Variants in SNX24 observed in about 807,000 individuals in gnomAD.
The protein encoded by SNX24 is sorting nexin 24.
A neutral mutation model predicts 28.7 loss-of-function variants in SNX24; 22 were observed. The observed-to-expected ratio is 0.77, with a 90% confidence interval of 0.55 to 1.10. The LOEUF (loss-of-function observed/expected upper bound fraction) is 1.10, where lower values mean the gene tolerates loss of function less well. SNX24 is among the 50% of genes least tolerant of loss of function. SNX24 has a pLI of 0.00. For synonymous variants in SNX24, 69 were observed against 71.5 expected, an observed-to-expected ratio of 0.96 and a Z score of 0.18; for missense variants, 221 against 201.1, an observed-to-expected ratio of 1.10 and a Z score of -0.60.
rs545975780 is a variant in SNX24, at chr5:122,990,543, A to T, written c.250-9369A>T. On this transcript the variant is annotated intron_variant, in intron 3 of 6. Transcript: ENST00000261369. ...AACTAGGTAGTTGGGGGAATGTTTA[A>T]GGGGCCTGAGAGAGCAAATTGCTTT... Among the ~76,000 whole-genome samples the T allele has an allele frequency of 1.8e-4, 28 of 152,342 alleles. No individual in the cohort carries two copies. The South Asian group carries it at 5.2e-3, about 28-fold the overall frequency.
intron 1 of SNX24, among the ~76,000 whole-genome samples, chr5:122,901,503 C>T (rs980598151): frequency 1.6e-4 from 24 of 152,266 alleles, no homozygotes; most frequent in African/African-American, 5.8e-4. Flanking sequence ...GAACGATCAG[C>T]CAGGTCCAGC....
intron 3 of SNX24, among the ~76,000 whole-genome samples, chr5:122,959,598 G>C (rs1201786844): frequency 6.6e-6 from 1 of 151,856 alleles, no homozygotes; most frequent in Non-Finnish European, 1.5e-5. Context: ...AATTTACTGA[G>C]AGAATTTTTA....
intron 3 of SNX24, among the ~76,000 whole-genome samples, chr5:122,988,848 G>T (rs1021801237): frequency 6.6e-6 from 1 of 151,886 alleles, no homozygotes; most frequent in African/African-American, 2.4e-5. Flanking sequence ...TATGTATTAG[G>T]CCTTTTCTTT....
intron 2 of SNX24, among the ~76,000 whole-genome samples, chr5:122,942,015 C>T (rs1260945583): frequency 6.6e-6 from 1 of 152,184 alleles, no homozygotes; most frequent in African/African-American, 2.4e-5. Flanking sequence ...CCTGTCCACA[C>T]CCCACTATGG....
chr5:122,863,011 G>T (rs1402844947), intron 1 of SNX24, among the ~76,000 whole-genome samples: 1 of 152,102 alleles, frequency 6.6e-6, no homozygotes, highest in Non-Finnish European at 1.5e-5. Context: ...CTATTAAGTG[G>T]CAGGCATACT....
chr5:122,888,519 A>T (rs1212298314), intron 1 of SNX24, among the ~76,000 whole-genome samples: 1 of 152,236 alleles, frequency 6.6e-6, no homozygotes, highest in Non-Finnish European at 1.5e-5. Flanking sequence ...TGCTCAGAAG[A>T]GTATCTGGAT....
chr5:122,911,653 G>A (rs1368153763), intron 1 of SNX24, among the ~76,000 whole-genome samples: 6 of 143,088 alleles, frequency 4.2e-5, no homozygotes, highest in Non-Finnish European at 9.0e-5. Flanking sequence ...TGTATAAGGT[G>A]TAAGGAAGGG....
At chr5:122,857,343 A>C (rs1755241769) in intron 1 of SNX24, among the ~76,000 whole-genome samples, 1 of 151,776 alleles carries the variant, frequency 6.6e-6, no homozygotes, top group South Asian at 2.1e-4. Context: ...TGTAAGGAAG[A>C]GGTTCAGTTT....
chr5:122,981,591 CTTTT>C (rs1761394752), intron 3 of SNX24, among the ~76,000 whole-genome samples: 1 of 152,182 alleles, frequency 6.6e-6, no homozygotes, highest in African/African-American at 2.4e-5. Context: ...ATAGAATCTA[CTTTT>C]TTTGTCTGTA....
chr5:122,887,313 C>T (rs929398216), intron 1 of SNX24, among the ~76,000 whole-genome samples: 12 of 152,152 alleles, frequency 7.9e-5, no homozygotes, highest in African/African-American at 2.7e-4. Flanking sequence ...GCCTAATTGT[C>T]GTTTATCTGT....
chr5:122,911,096 G>A (rs1757865731), intron 1 of SNX24, among the ~76,000 whole-genome samples: 1 of 152,172 alleles, frequency 6.6e-6, no homozygotes, highest in African/African-American at 2.4e-5. Context: ...CAGTGTAAAA[G>A]TGTTCCTATT....
At chr5:122,984,474 C>T (rs980642523) in intron 3 of SNX24, among the ~76,000 whole-genome samples, 2 of 152,188 alleles carry the variant, frequency 1.3e-5, no homozygotes, top group Non-Finnish European at 2.9e-5. Flanking sequence ...TACTCTCCTG[C>T]TCAAACTTGA....
intron 1 of SNX24, among the ~76,000 whole-genome samples, chr5:122,934,469 C>G (rs1178000544): frequency 3.3e-5 from 5 of 152,270 alleles, no homozygotes; most frequent in Non-Finnish European, 5.9e-5. Context: ...AAGCGATTCT[C>G]ATGCCTCAGC....
At chr5:122,996,082 T>G (rs1318106684) in intron 3 of SNX24, among the ~76,000 whole-genome samples, 1 of 152,202 alleles carries the variant, frequency 6.6e-6, no homozygotes, top group Non-Finnish European at 1.5e-5. Context: ...CTAGAATCGG[T>G]GCAGCAATAG....
At chr5:122,862,264 T>C (rs1202001808) in intron 1 of SNX24, among the ~76,000 whole-genome samples, 2 of 151,994 alleles carry the variant, frequency 1.3e-5, no homozygotes, top group Non-Finnish European at 2.9e-5. Flanking sequence ...TAGGGAGTGG[T>C]TTTTTGTTTG....
intron 5 of SNX24, among the ~76,000 whole-genome samples, chr5:123,016,606 G>C (rs1381185031): frequency 6.6e-6 from 1 of 152,202 alleles, no homozygotes; most frequent in Admixed American, 6.5e-5. Context: ...GAGGCCACTT[G>C]AGTAGATGAG....
intron 1 of SNX24, among the ~76,000 whole-genome samples, chr5:122,847,924 G>A (rs1002271086): frequency 6.6e-6 from 1 of 151,980 alleles, no homozygotes; most frequent in Non-Finnish European, 1.5e-5. Context: ...TTTACTGAGT[G>A]CCTGCTCTGT....
intron 5 of SNX24, among the ~76,000 whole-genome samples, chr5:123,027,581 A>C (rs1178951358): frequency 6.6e-6 from 1 of 152,114 alleles, no homozygotes; most frequent in Non-Finnish European, 1.5e-5. Context: ...GCCTTCCTCC[A>C]CTCCAGTCTA....
intron 3 of SNX24, among the ~76,000 whole-genome samples, chr5:122,984,943 A>G (rs1158699800): frequency 2.0e-5 from 3 of 152,254 alleles, no homozygotes; most frequent in African/African-American, 7.2e-5. Context: ...AAAAAGGTAT[A>G]GTGAACAAGC....
Sources: allele counts gnomAD v4.1 joint callset (sites outside exome capture counted in the v4.1 genomes callset), GRCh38; gene constraint gnomAD v4.1.1; transcripts MANE v1.5; gene names NCBI Gene and HGNC (gene_info 2026-07-23, HGNC 2026-07-21).